Variants in LRCH1 observed in about 807,000 individuals in gnomAD.
LRCH1 encodes leucine-rich repeat and calponin homology domain-containing protein 1.
LRCH1 carries 23 observed loss-of-function variants against 94.9 expected under a neutral mutation model. The observed-to-expected ratio is 0.24, with a 90% CI of 0.17 to 0.34. LRCH1 has a LOEUF of 0.34. Among genes scored for constraint, LRCH1 ranks in the 10% least tolerant of loss-of-function variants. The pLI, the probability that LRCH1 is intolerant of heterozygous loss-of-function variation, is 1.00. For synonymous variants in LRCH1, 364 were observed against 354.9 expected, an observed-to-expected ratio of 1.03 and a Z score of -0.29; for missense variants, 790 against 945.9, an observed-to-expected ratio of 0.84 and a Z score of 2.16.
At chr13:46,635,452 C>G (rs76391732) in intron 1 of LRCH1, among the ~76,000 whole-genome samples, 1 of 148,900 alleles carries the variant, frequency 6.7e-6, no homozygotes, top group East Asian at 2.0e-4. Flanking sequence ...CTTGAAAGAT[C>G]CGGTCCCCTC....
intron 1 of LRCH1, among the ~76,000 whole-genome samples, chr13:46,638,020 CAA>C (rs911607065): frequency 2.0e-5 from 3 of 152,100 alleles, no homozygotes; most frequent in Non-Finnish European, 4.4e-5. Context: ...TTATTTTATC[CAA>C]AAGAGAACAA....
chr13:46,741,898 A>G lies in LRCH1; in HGVS notation c.*50A>G. The G allele has an allele frequency of 6.2e-7, 1 of 1,609,640 alleles. No individual in the cohort carries two copies. Among genetic ancestry groups the G allele is most frequent in the South Asian group, 1.1e-5 (1 of 90,946 alleles). ...GTGCTCTGTCGCCCTCAACCTTTGC[A>G]GGGTCCTTCCTACCTTTGAGCCTTT... On this transcript the variant is annotated 3_prime_UTR_variant, in exon 20 of 20. Coordinates refer to ENST00000389797, the MANE Select transcript of LRCH1 (RefSeq NM_001164211.2).
rs2051565500 is a variant in LRCH1, at chr13:46,669,252, GTAGAGCCTCTGTTGT to G, written c.579+98_579+112del. Reference sequence around the variant, plus strand: ...AACCTTTTTGCTACGGTTGGACAAGGTAGAGCCTCTGTTGTTTGAGGGCAGGTATATGATAAAGAC... The same window carrying G: ...AACCTTTTTGCTACGGTTGGACAAGGTTGAGGGCAGGTATATGATAAAGAC... On this transcript the variant is annotated intron_variant, in intron 3 of 19. Coordinates refer to ENST00000389797, the MANE Select transcript of LRCH1 (RefSeq NM_001164211.2). 41 of 1,452,086 alleles carry G rather than the reference GTAGAGCCTCTGTTGT, an allele frequency of 2.8e-5. No homozygotes were observed. The East Asian group carries it at 9.5e-4, about 34-fold the overall frequency. The allele number at this position is 1,452,086 out of a possible 1,614,324, so 90.0% of individuals were successfully genotyped here.
chr13:46,615,997 C>G (rs981484228), intron 1 of LRCH1, among the ~76,000 whole-genome samples: 7 of 152,156 alleles, frequency 4.6e-5, no homozygotes, highest in African/African-American at 1.7e-4. Flanking sequence ...ATTTGAGTAG[C>G]TCCCTTATAT....
At chr13:46,751,311 T>C (rs1413972718) in exon 19 of LRCH1, 1 of 152,124 alleles carries the variant, frequency 6.6e-6, no homozygotes, top group Non-Finnish European at 1.5e-5. Flanking sequence ...CTGGTATATA[T>C]GATTCCAAAA....
At chr13:46,688,123 A>G in intron 6 of LRCH1, 144 bp downstream of exon 6, 1 of 724,504 alleles carries the variant, frequency 1.4e-6, no homozygotes, top group Non-Finnish European at 2.1e-6. Flanking sequence ...TGGTTTAATC[A>G]CCTAATTTGT....
chr13:46,602,344 A>G lies in LRCH1; in HGVS notation c.308-47857A>G, dbSNP rs117600323. Among the ~76,000 whole-genome samples, 847 of 152,332 alleles carry G rather than the reference A, an allele frequency of 5.6e-3. 1 individual carries two copies. Among genetic ancestry groups the G allele is most frequent in the Non-Finnish European group, 8.9e-3 (605 of 68,032 alleles). ...AGTTTATGCCTCTGCTTCCTGTGTC[A>G]TGATTACCACCCAGAACACGTGCTT... is the stretch of plus-strand genomic sequence containing the variant. On this transcript the variant is annotated intron_variant, in intron 1 of 19. Coordinates refer to ENST00000389797, the MANE Select transcript of LRCH1 (RefSeq NM_001164211.2).
At chr13:46,558,060 C>T (rs1203057755) in intron 1 of LRCH1, among the ~76,000 whole-genome samples, 1 of 151,112 alleles carries the variant, frequency 6.6e-6, no homozygotes, top group African/African-American at 2.5e-5. Flanking sequence ...AACAAACAAA[C>T]AAAACAAAGA....
chr13:46,665,259 A>G (rs1381462130), intron 2 of LRCH1, among the ~76,000 whole-genome samples: 1 of 152,194 alleles, frequency 6.6e-6, no homozygotes, highest in Non-Finnish European at 1.5e-5. Context: ...ATAATAAATA[A>G]TATCAGATAC....
intron 3 of LRCH1, among the ~76,000 whole-genome samples, chr13:46,677,109 T>C (rs1013787136): frequency 6.6e-6 from 1 of 151,968 alleles, no homozygotes; most frequent in African/African-American, 2.4e-5. Context: ...CATCATTCCT[T>C]AAAAAAATAC....
In LRCH1 at chr13:46,744,009, G is replaced by A. The variant is rs916684152; in HGVS notation, c.*2161G>A. On this transcript the variant is annotated 3_prime_UTR_variant, in exon 20 of 20. Transcript: ENST00000389797. ...GATGATGTTTTTTCATTAGTAGTAT[G>A]GTAACTAGCAGAACACAATTAATTT... 1 of 985,186 alleles carries A rather than the reference G, an allele frequency of 1.0e-6. No homozygotes were observed. Among genetic ancestry groups the A allele is most frequent in the Admixed American group, 6.2e-5 (1 of 16,260 alleles). 61.0% of individuals were successfully genotyped at this position (985,186 alleles called of 1,614,324 possible).
At chr13:46,745,592 T>C (rs2138258340), downstream of LRCH1, among the ~76,000 whole-genome samples, 1 of 152,168 alleles carries the variant, frequency 6.6e-6, no homozygotes, top group African/African-American at 2.4e-5. Context: ...AAGTAAATAA[T>C]CCAGGGAGGA....
intron 1 of LRCH1, among the ~76,000 whole-genome samples, chr13:46,564,156 T>C (rs1224436113): frequency 3.3e-5 from 5 of 152,200 alleles, no homozygotes; most frequent in Non-Finnish European, 7.3e-5. Context: ...AGGCCTCTTG[T>C]CAACTGGATT....
chr13:46,699,495 C>A, intron 10 of LRCH1, 92 bp downstream of exon 10: 1 of 1,111,716 alleles, frequency 9.0e-7, no homozygotes, highest in Non-Finnish European at 1.4e-6. Flanking sequence ...TTTTGACCTG[C>A]TTTTCTGTGG....
intron 2 of LRCH1, 152 bp from the exon 3 acceptor site, chr13:46,668,878 T>C (rs1480747484): frequency 1.5e-6 from 1 of 654,740 alleles, no homozygotes; most frequent in Non-Finnish European, 2.5e-6. Context: ...ACTTGTCATT[T>C]GAGTTGTCAC....
chr13:46,700,928 C>T (rs972977740), intron 10 of LRCH1, among the ~76,000 whole-genome samples, 193 bp from the exon 11 acceptor site: 1 of 152,200 alleles, frequency 6.6e-6, no homozygotes, highest in Non-Finnish European at 1.5e-5. Context: ...TGGGCTTCCC[C>T]TACTCGGGCT....
chr13:46,621,506 C>A (rs887869097), intron 1 of LRCH1, among the ~76,000 whole-genome samples: 1 of 152,084 alleles, frequency 6.6e-6, no homozygotes, highest in African/African-American at 2.4e-5. Flanking sequence ...TCATTTGTAT[C>A]TTAATGGGTT....
chr13:46,750,260 A>C (rs1460473696), intron 18 of LRCH1, among the ~76,000 whole-genome samples: 1 of 152,218 alleles, frequency 6.6e-6, no homozygotes, highest in African/African-American at 2.4e-5. Context: ...TAGCTCAGTT[A>C]TTTAGTGTAA....
chr13:46,562,139 C>G (rs954765709), intron 1 of LRCH1, among the ~76,000 whole-genome samples: 4 of 152,176 alleles, frequency 2.6e-5, no homozygotes, highest in Admixed American at 6.5e-5. Context: ...CATCTTGGAT[C>G]TACCCTGAAG....
Sources: gnomAD v4.1 joint callset for allele counts (sites outside exome capture counted in the v4.1 genomes callset) on GRCh38, gnomAD v4.1.1 for gene constraint, MANE v1.5 for transcripts, NCBI Gene and HGNC (gene_info 2026-07-23, HGNC 2026-07-21) for gene names.